CARMIL1: variants seen among roughly 807,000 people sequenced by gnomAD.
CARMIL1 encodes the protein F-actin-uncapping protein LRRC16A.
A neutral mutation model predicts 177.1 loss-of-function variants in CARMIL1; 90 were observed. That is an observed-to-expected ratio of 0.51 (90% CI 0.43 to 0.61). The LOEUF is 0.61. Ranked by LOEUF, CARMIL1 falls within the 20% of genes least tolerant of loss-of-function variation. The pLI is 0.00. For missense variants in CARMIL1, 1,380 were observed against 1,667.0 expected, an observed-to-expected ratio of 0.83 and a Z score of 3.00; for synonymous variants, 577 against 606.2, an observed-to-expected ratio of 0.95 and a Z score of 0.71.
chr6:25,290,369 CTTTTTTTTTTTTTT>C (rs910242856), intron 2 of CARMIL1, among the ~76,000 whole-genome samples: 1 of 95,360 alleles, frequency 1.0e-5, no homozygotes, highest in African/African-American at 3.9e-5. Context: ...TGCTGGGATT[CTTTTTTTTTTTTTT>C]TTTTTTTTTG....
At chr6:25,578,500 G>A (rs951736073) in intron 29 of CARMIL1, among the ~76,000 whole-genome samples, 2 of 152,124 alleles carry the variant, frequency 1.3e-5, no homozygotes, top group African/African-American at 4.8e-5. Flanking sequence ...TAATGGCATT[G>A]TAGGAATAAG....
rs1349274643 is a variant in CARMIL1, at chr6:25,420,130, G to A, written c.155G>A (p.Arg52Gln). Reference sequence around the variant, plus strand: ...GTCTTACAGGTCCTTACATCATGCCGAGCCTTCCTTGTAACAGCGCGAATC... The same window carrying A: ...GTCTTACAGGTCCTTACATCATGCCAAGCCTTCCTTGTAACAGCGCGAATC... ...ENKVLVLTSC[R>Q]AFLVTARIPT... The change falls in exon 3 of 37, where the codon CGA (arginine) becomes CAA (glutamine). Residue 52 changes from arginine (R) to glutamine (Q), a missense_variant. By Grantham distance (43) the Arg-to-Gln change is conservative (BLOSUM62 1). Coordinates refer to ENST00000329474, the MANE Select transcript of CARMIL1 (RefSeq NM_017640.6). The A allele has an allele frequency of 1.9e-6, 3 of 1,613,420 alleles. No homozygotes were observed. The highest frequency in any genetic ancestry group is 1.3e-5 in the African/African-American group (1 of 74,986).
intron 1 of CARMIL1, 109 bp from the exon 2 acceptor site, chr6:25,284,703 T>A: frequency 1.6e-6 from 1 of 645,076 alleles, no homozygotes; most frequent in South Asian, 1.9e-5. Flanking sequence ...AGTAAGACTC[T>A]GTCTCAAAAG....
At chr6:25,390,310 A>AT (rs1792634342) in intron 2 of CARMIL1, among the ~76,000 whole-genome samples, 12 of 38,630 alleles carry the variant, frequency 3.1e-4, no homozygotes, top group South Asian at 2.9e-3. Flanking sequence ...ATATATATAT[A>AT]TATATATATA....
At chr6:25,598,756 G>A (rs749422936) in intron 32 of CARMIL1, among the ~76,000 whole-genome samples, 34 of 152,126 alleles carry the variant, frequency 2.2e-4, no homozygotes, top group African/African-American at 7.7e-4. Context: ...TGGGGGCACC[G>A]AAGAGCTTCT....
chr6:25,417,794 T>A (rs1202928004), intron 2 of CARMIL1, among the ~76,000 whole-genome samples: 2 of 152,340 alleles, frequency 1.3e-5, no homozygotes, highest in South Asian at 2.1e-4. Context: ...TTGAATGACC[T>A]TGAAGTGAGT....
intron 2 of CARMIL1, among the ~76,000 whole-genome samples, chr6:25,380,569 C>G (rs1791422113): frequency 6.6e-6 from 1 of 152,038 alleles, no homozygotes. Context: ...AGATAATGAA[C>G]TCTACAAAAA....
In CARMIL1 at chr6:25,533,909, A is replaced by G. The variant is rs1306015989; in HGVS notation, c.2068-3946A>G. Reference sequence around the variant, plus strand: ...GATATCAGTCATTAAGACCAAACTCATCCTTTTGAACTCTTGATTTTGCCA... The same window carrying G: ...GATATCAGTCATTAAGACCAAACTCGTCCTTTTGAACTCTTGATTTTGCCA... On this transcript the variant is annotated intron_variant, in intron 24 of 36. Transcript: ENST00000329474. Among the ~76,000 whole-genome samples the G allele has an allele frequency of 4.0e-5, 6 of 151,870 alleles. No individual in the cohort carries two copies. In the East Asian group the frequency reaches 7.7e-4, roughly 20 times the overall value.
chr6:25,324,497 T>C (rs1180049405), intron 2 of CARMIL1, among the ~76,000 whole-genome samples: 3 of 152,190 alleles, frequency 2.0e-5, no homozygotes, highest in African/African-American at 7.2e-5. Context: ...TTTTACAGAA[T>C]GCTTAAGCCT....
intron 11 of CARMIL1, chr6:25,479,145 C>G (rs775244840): frequency 1.9e-6 from 1 of 518,894 alleles, no homozygotes; most frequent in Non-Finnish European, 3.8e-6. Context: ...ATGTTCCCAC[C>G]GTTCTCCAGA....
intron 26 of CARMIL1, among the ~76,000 whole-genome samples, chr6:25,546,877 C>T (rs905496489): frequency 3.3e-5 from 5 of 151,686 alleles, no homozygotes; most frequent in Non-Finnish European, 5.9e-5. Flanking sequence ...TGGCAAAACC[C>T]CATCTCTACT....
At chr6:25,479,059 TC>T (rs1429027011) in intron 11 of CARMIL1, 2 of 516,962 alleles carry the variant, frequency 3.9e-6, no homozygotes, top group Non-Finnish European at 7.7e-6. Context: ...TCCACAATGT[TC>T]CAATGTGTAT....
Position 25,616,680 on chromosome 6 carries a change from A to T in CARMIL1, c.3980-2767A>T, listed in dbSNP as rs182078021. Among the ~76,000 whole-genome samples the T allele has an allele frequency of 3.9e-4, 60 of 152,342 alleles. 1 individual carries two copies. The East Asian group carries it at 0.011, about 28-fold the overall frequency. Reference sequence around the variant, plus strand: ...GTAATTCTATTTAGACCATCTTTTAATAGAAGCCTGACTAAACCTACTTCA... The same window carrying T: ...GTAATTCTATTTAGACCATCTTTTATTAGAAGCCTGACTAAACCTACTTCA... On this transcript the variant is annotated intron_variant, in intron 36 of 36. Transcript: ENST00000329474.
intron 31 of CARMIL1, among the ~76,000 whole-genome samples, chr6:25,589,234 C>T (rs1814071189): frequency 6.6e-6 from 1 of 152,212 alleles, no homozygotes; most frequent in Non-Finnish European, 1.5e-5. Context: ...TGCTAAAACT[C>T]TTACTGTATA....
intron 2 of CARMIL1, among the ~76,000 whole-genome samples, chr6:25,403,723 C>A (rs1794091867): frequency 6.6e-6 from 1 of 152,108 alleles, no homozygotes; most frequent in African/African-American, 2.4e-5. Context: ...TTACGTCACA[C>A]CAAGCTATTT....
Position 25,509,674 on chromosome 6 carries a change from C to A in CARMIL1, c.1414C>A (p.Gln472Lys). 6.2e-7 allele frequency: 1 copy of A among 1,603,022 alleles called. No homozygotes were observed. Among genetic ancestry groups the A allele is most frequent in the South Asian group, 1.1e-5 (1 of 88,570 alleles). ...SNCELRSGGA[Q>K]VLEGCIAEIH... ...TCTCTAGCTGAGATCAGGAGGTGCT[C>A]AAGTATTAGAAGGTTGCATTGCTGA... Residue 472 changes from glutamine to lysine, a missense_variant, in exon 18 of 37, where the codon CAA (glutamine) becomes AAA (lysine). Transcript: ENST00000329474. The surrounding 1 kb of genome is among the most constrained non-coding windows in gnomAD (Gnocchi z 4.1).
At position 25,450,975 on chromosome 6, in the gene CARMIL1, T is replaced by TCC. The variant is rs1562155368; in HGVS notation, c.614+265_614+266dup. On this transcript the variant is annotated intron_variant, in intron 8 of 36. Coordinates refer to ENST00000329474, the MANE Select transcript of CARMIL1 (RefSeq NM_017640.6). ...TCCTCTCCTCTCCTCTCTTCTCTTCTCCTCTCCCCCTCCCCTCTCCCCTCT... is the reference window on the plus strand; with the variant it reads ...TCCTCTCCTCTCCTCTCTTCTCTTCTCCCCTCTCCCCCTCCCCTCTCCCCTCT... Among the ~76,000 whole-genome samples, 15 of 5,252 alleles carry TCC rather than the reference T, an allele frequency of 2.9e-3. 2 individuals are homozygous for TCC. The highest frequency in any genetic ancestry group is 0.053 in the East Asian group (2 of 38). 3.4% of individuals were successfully genotyped at this position (5,252 alleles called of 152,430 possible).
rs1007910130 is a variant in CARMIL1 at position 25,554,106 on chromosome 6, G to T, written c.2592+10G>T. On this transcript the variant is annotated intron_variant, in intron 28 of 36. Coordinates refer to ENST00000329474, the MANE Select transcript of CARMIL1 (RefSeq NM_017640.6). The surrounding 1 kb of genome is among the most constrained non-coding windows in gnomAD (Gnocchi z 4.6). ...TTGCCATCATAAACTGGTGAGTGCT[G>T]TGCACATCTTGAGCAGGACCTCCTG... 1 of 1,572,516 alleles carries T rather than the reference G, an allele frequency of 6.4e-7. No homozygotes were observed. The highest frequency in any genetic ancestry group is 1.3e-5 in the African/African-American group (1 of 74,160).
intron 2 of CARMIL1, among the ~76,000 whole-genome samples, chr6:25,395,793 C>T (rs1013119432): frequency 2.0e-5 from 3 of 152,130 alleles, no homozygotes; most frequent in African/African-American, 7.2e-5. Context: ...GAGAAAATTG[C>T]GTTTGTCTTC....
Sources: gnomAD v4.1 joint callset for allele counts (sites outside exome capture counted in the v4.1 genomes callset) on GRCh38, gnomAD v4.1.1 for gene constraint, Gnocchi (gnomAD v3.1) non-coding constraint, MANE v1.5 for transcripts, NCBI Gene and HGNC (gene_info 2026-07-23, HGNC 2026-07-21) for gene names.